Variants in GALNT13 observed in about 807,000 individuals in gnomAD.
GALNT13 encodes the protein polypeptide N-acetylgalactosaminyltransferase 13, also known as UDP-GalNAc:polypeptide N-acetylgalactosaminyltransferase 13.
A neutral mutation model predicts 64.2 loss-of-function variants in GALNT13; 28 were observed. The ratio of observed to expected loss-of-function variants is 0.44; its 90% confidence interval spans 0.32 to 0.60. The LOEUF is 0.60. Ranked by LOEUF, GALNT13 falls within the 20% of genes least tolerant of loss-of-function variation. The pLI, the probability that GALNT13 is intolerant of heterozygous loss-of-function variation, is 0.05. For missense variants in GALNT13, 577 were observed against 669.8 expected (o/e 0.86, Z 1.53); for synonymous variants, 214 against 224.6 (o/e 0.95, Z 0.42).
At chr2:154,299,102 A>G (rs1320087365) in intron 8 of GALNT13, among the ~76,000 whole-genome samples, 1 of 149,374 alleles carries the variant, frequency 6.7e-6, no homozygotes, top group African/African-American at 2.4e-5. Flanking sequence ...AAAAGGAAAC[A>G]GATAGGATAT....
intron 3 of GALNT13, among the ~76,000 whole-genome samples, chr2:153,953,080 A>AAC (rs1692309293): frequency 2.0e-5 from 3 of 151,982 alleles, no homozygotes; most frequent in Non-Finnish European, 4.4e-5. Flanking sequence ...CTCTTTTGGC[A>AAC]ACACACACAC....
chr2:153,638,143 G>T, the GALNT13 span, among the ~76,000 whole-genome samples: 1 of 152,096 alleles, frequency 6.6e-6, no homozygotes, highest in African/African-American at 2.4e-5. Context: ...TATGTTTGGG[G>T]TGGCTGGAAT....
intron 4 of GALNT13, among the ~76,000 whole-genome samples, chr2:154,210,330 G>A (rs761365994): frequency 4.6e-5 from 7 of 152,018 alleles, no homozygotes; most frequent in Non-Finnish European, 7.4e-5. Context: ...TGCTAATTTC[G>A]AATCTTTTGG....
At chr2:153,108,215 G>A in the GALNT13 span, among the ~76,000 whole-genome samples, 1 of 152,102 alleles carries the variant, frequency 6.6e-6, no homozygotes, top group East Asian at 1.9e-4. Context: ...ATAGTAGTGT[G>A]CCATTTGTTG....
chr2:153,250,796 C>T, the GALNT13 span, among the ~76,000 whole-genome samples: 650 of 151,984 alleles, frequency 4.3e-3, 5 homozygotes, highest in African/African-American at 0.015. Flanking sequence ...AACCAAACAC[C>T]GCATGTTCTC....
the GALNT13 span, among the ~76,000 whole-genome samples, chr2:153,233,283 G>A: frequency 6.6e-6 from 1 of 151,982 alleles, no homozygotes; most frequent in Non-Finnish European, 1.5e-5. Flanking sequence ...CCTTTACACA[G>A]GTCATATTCT....
At chr2:153,736,867 C>A in the GALNT13 span, among the ~76,000 whole-genome samples, 1 of 152,158 alleles carries the variant, frequency 6.6e-6, no homozygotes, top group Non-Finnish European at 1.5e-5. Flanking sequence ...CCCACCCCTG[C>A]CAAATGGATG....
chr2:153,915,963 T>TAG, intron 2 of GALNT13, among the ~76,000 whole-genome samples: 1 of 152,110 alleles, frequency 6.6e-6, no homozygotes, highest in African/African-American at 2.4e-5. Context: ...CACACACAAC[T>TAG]GTTTTGTTGG....
At chr2:153,634,838 C>G in the GALNT13 span, among the ~76,000 whole-genome samples, 23 of 152,126 alleles carry the variant, frequency 1.5e-4, no homozygotes, top group South Asian at 4.6e-3. Context: ...CGTGAGCCAC[C>G]ATGCCCAGCT....
chr2:154,275,334 G>A (rs1364732917), intron 8 of GALNT13, among the ~76,000 whole-genome samples: 4 of 152,108 alleles, frequency 2.6e-5, no homozygotes, highest in African/African-American at 9.7e-5. Flanking sequence ...TGGAGGCCTA[G>A]GAAGGAAAAA....
At chr2:153,117,312 C>A in the GALNT13 span, among the ~76,000 whole-genome samples, 1 of 152,138 alleles carries the variant, frequency 6.6e-6, no homozygotes, top group African/African-American at 2.4e-5. Flanking sequence ...TCAGTATGGG[C>A]AGTCAAGTGG....
the GALNT13 span, among the ~76,000 whole-genome samples, chr2:153,442,143 G>C: frequency 6.6e-6 from 1 of 152,160 alleles, no homozygotes; most frequent in Non-Finnish European, 1.5e-5. Context: ...TTTATTGAGA[G>C]TTCTTAGCAT....
intron 8 of GALNT13, among the ~76,000 whole-genome samples, chr2:154,279,173 T>C (rs2105936302): frequency 6.6e-6 from 1 of 151,946 alleles, no homozygotes; most frequent in East Asian, 1.9e-4. Context: ...AGATGAGTTC[T>C]TATTATCATC....
At chr2:153,417,966 A>G in the GALNT13 span, among the ~76,000 whole-genome samples, 2 of 152,208 alleles carry the variant, frequency 1.3e-5, no homozygotes, top group African/African-American at 4.8e-5. Context: ...AAGGATGCCA[A>G]TGTTTAGGTT....
chr2:154,275,477 C>A (rs2105929741), intron 8 of GALNT13, among the ~76,000 whole-genome samples: 1 of 152,318 alleles, frequency 6.6e-6, no homozygotes, highest in African/African-American at 2.4e-5. Context: ...TTAGGGGGTG[C>A]AAGCCCCAAG....
the GALNT13 span, among the ~76,000 whole-genome samples, chr2:153,502,057 T>G: frequency 6.6e-6 from 1 of 152,216 alleles, no homozygotes; most frequent in Non-Finnish European, 1.5e-5. Context: ...AAATTATTTA[T>G]TTTTTGTGAG....
At chr2:153,705,233 C>T in the GALNT13 span, among the ~76,000 whole-genome samples, 1 of 152,064 alleles carries the variant, frequency 6.6e-6, no homozygotes, top group African/African-American at 2.4e-5. Context: ...ACTGACTAGT[C>T]TTGAGTAAGT....
chr2:154,420,749 C>A (rs1331400776), intron 11 of GALNT13, among the ~76,000 whole-genome samples: 1 of 152,022 alleles, frequency 6.6e-6, no homozygotes, highest in Non-Finnish European at 1.5e-5. Context: ...GATAATATAA[C>A]TTTATCTTGG....
At chr2:153,113,517 A>G in the GALNT13 span, among the ~76,000 whole-genome samples, 1 of 152,000 alleles carries the variant, frequency 6.6e-6, no homozygotes, top group African/African-American at 2.4e-5. Context: ...TGCTTAGGGA[A>G]GCACATATGA....
Sources: gnomAD v4.1 joint callset for allele counts (sites outside exome capture counted in the v4.1 genomes callset) on GRCh38, gnomAD v4.1.1 for gene constraint, MANE v1.5 for transcripts, NCBI Gene and HGNC (gene_info 2026-07-23, HGNC 2026-07-21) for gene names.